DOCK11: variants seen among roughly 807,000 people sequenced by gnomAD.
DOCK11 encodes the protein dedicator of cytokinesis protein 11.
DOCK11 carries 70 observed loss-of-function variants against 169.1 expected under a neutral mutation model. That is an observed-to-expected ratio of 0.41 (90% CI 0.34 to 0.51). The LOEUF is 0.51. Among genes scored for constraint, DOCK11 ranks in the 20% least tolerant of loss-of-function variants. The probability of loss-of-function intolerance (pLI) is 0.10; values close to 1 mark genes in which losing one functional copy is unlikely to be tolerated. For synonymous variants in DOCK11, 529 were observed against 541.3 expected (o/e 0.98, Z 0.32); for missense variants, 1,166 against 1,538.8 (o/e 0.76, Z 4.05).
intron 6 of DOCK11, among the ~76,000 whole-genome samples, chrX:118,553,136 A>T (rs909979863): frequency 1.8e-5 from 2 of 111,687 alleles, no homozygotes; most frequent in African/African-American, 3.3e-5. Flanking sequence ...ATGATCCTTT[A>T]GACAGAAACC....
intron 1 of DOCK11, among the ~76,000 whole-genome samples, chrX:118,516,087 C>CTTTTTTTTTTT (rs1300617761): frequency 6.3e-5 from 4 of 63,732 alleles, no homozygotes; most frequent in African/African-American, 2.9e-4. Flanking sequence ...CTTTTCTTTT[C>CTTTTTTTTTTT]TTTTTCTTTT....
chrX:118,607,439 T>TTTTTAG (rs2014557014), intron 24 of DOCK11, among the ~76,000 whole-genome samples: 1 of 92,508 alleles, frequency 1.1e-5, no homozygotes, highest in Admixed American at 1.2e-4. Context: ...TTTTTTTTTT[T>TTTTTAG]GAGACAGAGT....
intron 1 of DOCK11, among the ~76,000 whole-genome samples, chrX:118,526,660 G>T (rs2011384285): frequency 8.9e-6 from 1 of 112,280 alleles, no homozygotes; most frequent in Non-Finnish European, 1.9e-5. Flanking sequence ...CCTCCCAAGG[G>T]TCAGAGGAAA....
Position 118,681,135 on chromosome X carries a change from G to A in DOCK11, c.5749G>A (p.Val1917Ile). 1 of 1,207,350 alleles carries A rather than the reference G, an allele frequency of 8.3e-7. No individual in the cohort carries two copies. The change falls in exon 50 of 53, where the codon GTT (valine) becomes ATT (isoleucine). Residue 1917 changes from valine (V) to isoleucine (I), a missense_variant. Physicochemically the swap from Val to Ile is conservative, Grantham distance 29. Transcript: ENST00000276202. ...GCAGATTAATTTAAAACCAATTGAT[G>A]TTGCCACTGATGAAATAAAAGATAA... The part of the protein sequence containing the change: ...EQQINLKPID[V>I]ATDEIKDKTA...
At chrX:118,592,141 T>C (rs1266675615) in intron 19 of DOCK11, among the ~76,000 whole-genome samples, 1 of 110,389 alleles carries the variant, frequency 9.1e-6, no homozygotes, top group Non-Finnish European at 1.9e-5. Context: ...CCTTTGGGTA[T>C]ATACCCAGTA....
At chrX:118,595,407 G>A (rs2014130624) in intron 20 of DOCK11, among the ~76,000 whole-genome samples, 1 of 112,011 alleles carries the variant, frequency 8.9e-6, no homozygotes, top group African/African-American at 3.2e-5. Context: ...TGGGACATCA[G>A]TTGAGTTTTA....
chrX:118,588,131 C>A lies in DOCK11; in HGVS notation c.1796-6C>A. On this transcript the variant is annotated splice_region_variant and splice_polypyrimidine_tract_variant and intron_variant, in intron 16 of 52. Coordinates refer to ENST00000276202, the MANE Select transcript of DOCK11 (RefSeq NM_144658.4). ...TGATCTTTGCCTGTTTTTTTCCCTG[C>A]TATAGATTGTATTACTTCTTCATAT... 13 of 1,163,264 alleles carry A rather than the reference C, an allele frequency of 1.1e-5. No individual in the cohort carries two copies. Among genetic ancestry groups the A allele is most frequent in the Non-Finnish European group, 1.5e-5 (13 of 873,870 alleles).
At chrX:118,504,421 T>C (rs1362973220) in intron 1 of DOCK11, among the ~76,000 whole-genome samples, 1 of 111,661 alleles carries the variant, frequency 9.0e-6, no homozygotes, top group Non-Finnish European at 1.9e-5. Flanking sequence ...CCTCTGTGGA[T>C]TGCAAGCAGT....
intron 36 of DOCK11, among the ~76,000 whole-genome samples, chrX:118,637,362 C>T (rs184832185): frequency 6.4e-4 from 71 of 111,133 alleles, no homozygotes; most frequent in African/African-American, 1.5e-3. Flanking sequence ...TACTTTTGTA[C>T]GCGTTTGAAA....
At chrX:118,639,649 G>A in intron 38 of DOCK11, 72 bp downstream of exon 38, 1 of 1,058,438 alleles carries the variant, frequency 9.4e-7, no homozygotes, top group South Asian at 2.3e-5. Context: ...AAAACTGAAG[G>A]TGATGGATAC....
At position 118,542,951 on chromosome X, in the gene DOCK11, G is replaced by C. The variant is rs1045302736; in HGVS notation, c.245G>C (p.Arg82Thr). 10 of 1,207,931 alleles carry C rather than the reference G, an allele frequency of 8.3e-6. No homozygotes were observed. The highest frequency in any genetic ancestry group is 1.1e-5 in the Non-Finnish European group (10 of 894,561). ...ATCTCGGTGATAGGTCGTCAACGCA[G>C]AACGGTGCAGTCTACTGTACCAGAA... ...ISISVIGRQR[R>T]TVQSTVPEDA... The change falls in exon 3 of 53, where the codon AGA becomes ACA. Residue 82 changes from arginine to threonine, a missense_variant. Coordinates refer to ENST00000276202, the MANE Select transcript of DOCK11 (RefSeq NM_144658.4).
intron 1 of DOCK11, among the ~76,000 whole-genome samples, chrX:118,502,106 A>G (rs1387942540): frequency 9.6e-6 from 1 of 103,696 alleles, no homozygotes; most frequent in Non-Finnish European, 2.0e-5. Flanking sequence ...TGTATTCTTT[A>G]AAAGGACCCC....
chrX:118,640,078 G>A (rs1414996242), intron 38 of DOCK11, among the ~76,000 whole-genome samples: 1 of 112,286 alleles, frequency 8.9e-6, no homozygotes, highest in Non-Finnish European at 1.9e-5. Context: ...AACATGCTGA[G>A]TTGACTGCAG....
intron 1 of DOCK11, among the ~76,000 whole-genome samples, chrX:118,524,405 T>C (rs2011327080): frequency 9.0e-6 from 1 of 111,581 alleles, no homozygotes; most frequent in African/African-American, 3.3e-5. Context: ...TGTCCTCTGA[T>C]TTTTTTCTCA....
chrX:118,639,699 A>G, intron 38 of DOCK11, 122 bp downstream of exon 38: 1 of 736,129 alleles, frequency 1.4e-6, no homozygotes, highest in Non-Finnish European at 1.9e-6. Context: ...TGCATGTAAC[A>G]AAATATCACC....
intron 13 of DOCK11, among the ~76,000 whole-genome samples, chrX:118,579,360 C>T (rs958074325): frequency 1.8e-5 from 2 of 111,371 alleles, no homozygotes; most frequent in African/African-American, 6.5e-5. Context: ...AAACTGAGAC[C>T]CCAGGAGGGA....
intron 31 of DOCK11, among the ~76,000 whole-genome samples, chrX:118,618,960 C>T (rs1464368898): frequency 1.8e-5 from 2 of 109,289 alleles, no homozygotes; most frequent in Non-Finnish European, 3.8e-5. Context: ...CAGGTTCAAG[C>T]GATTCTTGTG....
In DOCK11 at chrX:118,625,616, T is replaced by C. The variant is rs762761712; in HGVS notation, c.3588+961T>C. Among the ~76,000 whole-genome samples, 5 of 112,425 alleles carry C rather than the reference T, an allele frequency of 4.4e-5. No individual in the cohort carries two copies. In the East Asian group the frequency reaches 1.4e-3, roughly 31 times the overall value. On this transcript the variant is annotated intron_variant, in intron 32 of 52. Coordinates refer to ENST00000276202, the MANE Select transcript of DOCK11 (RefSeq NM_144658.4). The stretch of plus-strand genomic sequence containing the variant: ...GTGTTTTCGTTCTTAACATTTTCTG[T>C]TGTTGTATGGCTTCATACATTTATT...
At chrX:118,591,602 CCT>C (rs2013993753) in intron 19 of DOCK11, among the ~76,000 whole-genome samples, 1 of 105,900 alleles carries the variant, frequency 9.4e-6, no homozygotes, top group Non-Finnish European at 1.9e-5. Flanking sequence ...TTAATATTCC[CCT>C]TTTTTCCTCC....
Sources: gnomAD v4.1 joint callset for allele counts (sites outside exome capture counted in the v4.1 genomes callset) on GRCh38, gnomAD v4.1.1 for gene constraint, MANE v1.5 for transcripts, NCBI Gene and HGNC (gene_info 2026-07-23, HGNC 2026-07-21) for gene names.